The following RALGAPA2 variants were observed in gnomAD, a reference collection of about 807,000 sequenced individuals.
RALGAPA2 encodes the protein ral GTPase-activating protein subunit alpha-2.
RALGAPA2 carries 139 observed loss-of-function variants against 230.4 expected under a neutral mutation model. The ratio of observed to expected loss-of-function variants is 0.60; its 90% CI spans 0.53 to 0.69. The LOEUF is 0.69. Among genes scored for constraint, RALGAPA2 ranks in the 30% least tolerant of loss-of-function variants. The probability of loss-of-function intolerance (pLI) is 0.00; values close to 1 mark genes in which losing one functional copy is unlikely to be tolerated. For missense variants in RALGAPA2, 2,163 were observed against 2,276.0 expected (o/e 0.95, Z 1.01); for synonymous variants, 847 against 837.8 (o/e 1.01, Z -0.19).
At chr20:20,607,179 T>C (rs1010814967) in intron 14 of RALGAPA2, among the ~76,000 whole-genome samples, 1 of 152,218 alleles carries the variant, frequency 6.6e-6, no homozygotes, top group African/African-American at 2.4e-5. Flanking sequence ...GATTTTTTAA[T>C]GGAATTTACT....
chr20:20,580,632 C>T (rs1225187951), intron 20 of RALGAPA2, among the ~76,000 whole-genome samples: 2 of 152,170 alleles, frequency 1.3e-5, no homozygotes, highest in African/African-American at 2.4e-5. Flanking sequence ...CCCCTGTTTC[C>T]AGGGATCCGT....
chr20:20,509,112 A>C (rs1345792705), intron 33 of RALGAPA2, among the ~76,000 whole-genome samples: 1 of 152,242 alleles, frequency 6.6e-6, no homozygotes, highest in Non-Finnish European at 1.5e-5. Context: ...CTTATTTAAT[A>C]CTGAAGGAAG....
intron 27 of RALGAPA2, among the ~76,000 whole-genome samples, chr20:20,529,443 C>G (rs768296500): frequency 6.6e-6 from 1 of 152,198 alleles, no homozygotes; most frequent in Non-Finnish European, 1.5e-5. Context: ...ACTCTGTTAT[C>G]AATTTCCATC....
intron 30 of RALGAPA2, among the ~76,000 whole-genome samples, chr20:20,523,520 G>C (rs73289187): frequency 0.011 from 1,671 of 152,252 alleles, 24 homozygotes; most frequent in African/African-American, 0.038. Context: ...GTGTTCTATA[G>C]ATTAGTAGGG....
intron 4 of RALGAPA2, among the ~76,000 whole-genome samples, chr20:20,645,258 G>A (rs986931542): frequency 3.3e-5 from 5 of 151,722 alleles, no homozygotes; most frequent in African/African-American, 1.2e-4. Flanking sequence ...GGGATTATAG[G>A]TGCATACCAC....
chr20:20,624,298 G>A (rs148825742), intron 10 of RALGAPA2, among the ~76,000 whole-genome samples: 2 of 142,686 alleles, frequency 1.4e-5, no homozygotes, highest in Admixed American at 7.3e-5. Flanking sequence ...CTGCACTCCA[G>A]CCTGTGTGAT....
chr20:20,539,499 T>G (rs2063583355), intron 24 of RALGAPA2, among the ~76,000 whole-genome samples: 1 of 152,212 alleles, frequency 6.6e-6, no homozygotes, highest in Admixed American at 6.5e-5. Context: ...AAAGCATAAT[T>G]AATAAAAATT....
At position 20,503,345 on chromosome 20, in the gene RALGAPA2, C is replaced by T; in HGVS notation, c.5208+6G>A. ...GCTAAGAATGGTGCCCGAGGAGACC[C>T]CTTACCTTTTTGGTGAGGGAATCAT... On this transcript the variant is annotated splice_donor_region_variant and intron_variant, in intron 35 of 39. Transcript: ENST00000202677. 6.4e-7 allele frequency: 1 copy of T among 1,568,606 alleles called. No individual in the cohort carries two copies. The highest frequency in any genetic ancestry group is 1.7e-4 in the Middle Eastern group (1 of 5,878).
intron 37 of RALGAPA2, among the ~76,000 whole-genome samples, chr20:20,443,497 C>T (rs753703846): frequency 6.6e-6 from 1 of 152,206 alleles, no homozygotes; most frequent in Non-Finnish European, 1.5e-5. Flanking sequence ...TTGGCTGTCC[C>T]ATACCAGGTG....
At chr20:20,560,801 A>T (rs1222000808) in intron 23 of RALGAPA2, among the ~76,000 whole-genome samples, 4 of 152,338 alleles carry the variant, frequency 2.6e-5, no homozygotes, top group Non-Finnish European at 5.9e-5. Flanking sequence ...AACATTTCTT[A>T]AAGTCTTCAT....
intron 8 of RALGAPA2, among the ~76,000 whole-genome samples, 176 bp from the exon 9 acceptor site, chr20:20,635,793 C>T (rs546477233): frequency 5.3e-5 from 8 of 152,100 alleles, no homozygotes; most frequent in South Asian, 2.1e-4. Flanking sequence ...TTTCTGATTC[C>T]GCCTTGTGAT....
chr20:20,600,971 G>GAT (rs1319094662), intron 16 of RALGAPA2, among the ~76,000 whole-genome samples: 4 of 152,014 alleles, frequency 2.6e-5, no homozygotes, highest in Non-Finnish European at 5.9e-5. Context: ...GTCGTGGCAC[G>GAT]CGCCTGTAAT....
At chr20:20,609,346 C>G (rs2065911741) in intron 14 of RALGAPA2, among the ~76,000 whole-genome samples, 1 of 152,130 alleles carries the variant, frequency 6.6e-6, no homozygotes, top group African/African-American at 2.4e-5. Context: ...TACCTAACCA[C>G]TGCCAAAATA....
At chr20:20,613,656 C>T (rs6137078) in intron 13 of RALGAPA2, among the ~76,000 whole-genome samples, 2,519 of 152,288 alleles carry the variant, frequency 0.017, 94 homozygotes, top group East Asian at 0.14. Context: ...TACTCCACCA[C>T]ATTGGCCATC....
At chr20:20,611,971 A>G (rs749970088) in intron 13 of RALGAPA2, among the ~76,000 whole-genome samples, 2 of 152,166 alleles carry the variant, frequency 1.3e-5, no homozygotes, top group Non-Finnish European at 2.9e-5. Flanking sequence ...CACAGTGCTC[A>G]TGTCTGGAAG....
At chr20:20,455,329 C>T (rs1289132603) in intron 37 of RALGAPA2, among the ~76,000 whole-genome samples, 1 of 152,248 alleles carries the variant, frequency 6.6e-6, no homozygotes, top group Non-Finnish European at 1.5e-5. Flanking sequence ...GGCAGAAGGC[C>T]GTGGTTCCAG....
chr20:20,661,304 G>A (rs751821147), intron 3 of RALGAPA2, among the ~76,000 whole-genome samples: 15 of 152,046 alleles, frequency 9.9e-5, no homozygotes, highest in African/African-American at 2.7e-4. Context: ...GATTACAGGC[G>A]TGTGCCACCA....
chr20:20,529,208 T>C (rs943633795), intron 27 of RALGAPA2, among the ~76,000 whole-genome samples: 1 of 152,222 alleles, frequency 6.6e-6, no homozygotes, highest in African/African-American at 2.4e-5. Flanking sequence ...CTGATCCCTC[T>C]GCTTTCTTAG....
At chr20:20,412,234 A>AT (rs1184097649) in intron 37 of RALGAPA2, 86 bp from the exon 38 acceptor site, 32 of 1,539,414 alleles carry the variant, frequency 2.1e-5, no homozygotes, top group Non-Finnish European at 2.6e-5. Flanking sequence ...CCGTTGTGCA[A>AT]TTTTTTCTGT....
Sources: gnomAD v4.1 joint callset for allele counts (sites outside exome capture counted in the v4.1 genomes callset) on GRCh38, gnomAD v4.1.1 for gene constraint, MANE v1.5 for transcripts, NCBI Gene and HGNC (gene_info 2026-07-23, HGNC 2026-07-21) for gene names.